Variants in RAB40C observed in about 807,000 individuals in gnomAD.
RAB40C encodes ras-related protein Rab-40C.
In RAB40C, 8 loss-of-function variants were observed where a neutral mutation model predicts 28.1. The observed-to-expected ratio is 0.28, with a 90% CI of 0.17 to 0.51. The LOEUF is 0.51. Ranked by LOEUF, RAB40C falls within the 20% of genes least tolerant of loss-of-function variation. RAB40C has a pLI of 0.97. For synonymous variants in RAB40C, 201 were observed against 171.7 expected (o/e 1.17, Z -1.34); for missense variants, 288 against 405.9 (o/e 0.71, Z 2.50).
At chr16:625,351 G>A in intron 3 of RAB40C, 81 bp from the exon 4 acceptor site, 1 of 1,560,986 alleles carries the variant, frequency 6.4e-7, no homozygotes, top group Non-Finnish European at 8.8e-7. Flanking sequence ...GGGAACTGAG[G>A]CCCCTGCACC....
chr16:621,169 C>A (rs2036708062), intron 3 of RAB40C, among the ~76,000 whole-genome samples: 1 of 152,202 alleles, frequency 6.6e-6, no homozygotes, highest in African/African-American at 2.4e-5. Context: ...GCTTCCTTGC[C>A]CCGGGAGAAG....
chr16:626,153 T>C, intron 5 of RAB40C, 32 bp downstream of exon 5: 2 of 1,579,826 alleles, frequency 1.3e-6, no homozygotes, highest in Non-Finnish European at 8.7e-7. Context: ...AGCCCTGAGG[T>C]CCCCGAACCT....
intron 1 of RAB40C, among the ~76,000 whole-genome samples, chr16:606,959 A>G (rs2036372411): frequency 1.3e-5 from 2 of 152,216 alleles, no homozygotes; most frequent in African/African-American, 4.8e-5. Context: ...TGTGCCCTGC[A>G]GGAACATGGC....
intron 1 of RAB40C, among the ~76,000 whole-genome samples, chr16:613,204 C>T (rs918295157): frequency 2.9e-5 from 4 of 138,916 alleles, no homozygotes; most frequent in Admixed American, 7.3e-5. Context: ...CCTGTAGAAT[C>T]AGCAGGGACA....
chr16:605,261 T>A (rs1433131074), intron 1 of RAB40C, among the ~76,000 whole-genome samples: 3 of 152,178 alleles, frequency 2.0e-5, no homozygotes, highest in Non-Finnish European at 4.4e-5. Context: ...GCCCCATTGT[T>A]TCATAGTCCC....
chr16:590,892 G>A (rs1243713896), intron 1 of RAB40C, among the ~76,000 whole-genome samples: 2 of 150,682 alleles, frequency 1.3e-5, no homozygotes, highest in African/African-American at 4.9e-5. Context: ...ATGGGTGCAG[G>A]ATCTGGGGTC....
chr16:590,751 G>A (rs549501572), intron 1 of RAB40C, among the ~76,000 whole-genome samples: 9 of 152,122 alleles, frequency 5.9e-5, no homozygotes, highest in Admixed American at 4.6e-4. Flanking sequence ...GGAGCCCAGG[G>A]GAAGGTGTCA....
At chr16:601,452 GT>G (rs1256283153) in intron 1 of RAB40C, among the ~76,000 whole-genome samples, 3 of 152,116 alleles carry the variant, frequency 2.0e-5, no homozygotes, top group African/African-American at 7.2e-5. Flanking sequence ...CAGAGTGTGA[GT>G]TTGCTCAGGT....
At chr16:596,922 C>T (rs889672757) in intron 1 of RAB40C, among the ~76,000 whole-genome samples, 6 of 152,144 alleles carry the variant, frequency 3.9e-5, no homozygotes, top group African/African-American at 1.2e-4. Flanking sequence ...AGGCAGTGCG[C>T]GGCTGTCTCG....
intron 1 of RAB40C, 98 bp from the exon 2 acceptor site, chr16:617,110 G>A (rs532196596): frequency 2.0e-4 from 253 of 1,266,750 alleles, no homozygotes; most frequent in Admixed American, 4.0e-4. Context: ...CCACTTCCGC[G>A]TGGGTCTTGG....
At chr16:622,865 T>G (rs1326666979) in intron 3 of RAB40C, among the ~76,000 whole-genome samples, 1 of 152,200 alleles carries the variant, frequency 6.6e-6, no homozygotes, top group African/African-American at 2.4e-5. Flanking sequence ...TGGAAGAGTC[T>G]GTTTGTCCCG....
intron 1 of RAB40C, among the ~76,000 whole-genome samples, chr16:601,815 T>TAAAAAAAAAAAAAA (rs60094426): frequency 2.6e-4 from 7 of 27,198 alleles, no homozygotes; most frequent in Non-Finnish European, 4.3e-4. Context: ...CAAAAAAAAG[T>TAAAAAAAAAAAAAA]AAAAAAAAAA....
At position 590,220 on chromosome 16, in the gene RAB40C, G is replaced by T. The variant is rs1176713534; in HGVS notation, c.-72G>T. On this transcript the variant is annotated 5_prime_UTR_variant, in exon 1 of 6. Coordinates refer to ENST00000248139, the MANE Select transcript of RAB40C (RefSeq NM_021168.5). ...CAACGGGCGCAGGTGCGGGGCGCGG[G>T]CTCTCTCACGCCGCGGCCTCACCCG... 3 of 1,165,412 alleles carry T rather than the reference G, an allele frequency of 2.6e-6. No individual in the cohort carries two copies. Among genetic ancestry groups the T allele is most frequent in the Non-Finnish European group, 3.2e-6 (3 of 931,590 alleles). The allele number at this position is 1,165,412 out of a possible 1,614,324, so 72.2% of individuals were successfully genotyped here.
chr16:591,616 G>A lies in RAB40C; in HGVS notation c.142+1183G>A, dbSNP rs534679533. Among the ~76,000 whole-genome samples the A allele has an allele frequency of 1.1e-4, 16 of 147,896 alleles. 1 individual carries two copies. Among genetic ancestry groups the A allele is most frequent in the East Asian group, 2.0e-4 (1 of 5,110 alleles). ...TCTTTCTTTTTTTTTTTTTTGAGAC[G>A]GAGTCTCACTCTGTCGCCAGGCTGG... On this transcript the variant is annotated intron_variant, in intron 1 of 5. Coordinates refer to ENST00000248139, the MANE Select transcript of RAB40C (RefSeq NM_021168.5).
chr16:626,794 C>T (rs1255992407), intron 5 of RAB40C, among the ~76,000 whole-genome samples: 6 of 152,150 alleles, frequency 3.9e-5, no homozygotes, highest in Admixed American at 1.3e-4. Flanking sequence ...AAAAATTAAC[C>T]GGGCGTGGTG....
intron 1 of RAB40C, among the ~76,000 whole-genome samples, chr16:615,033 T>C (rs1219445873): frequency 6.6e-6 from 1 of 152,238 alleles, no homozygotes; most frequent in Non-Finnish European, 1.5e-5. Context: ...TTCCTTCTTG[T>C]CTTGGAAACG....
At chr16:592,293 T>C (rs2036017368) in intron 1 of RAB40C, among the ~76,000 whole-genome samples, 1 of 152,186 alleles carries the variant, frequency 6.6e-6, no homozygotes, top group Non-Finnish European at 1.5e-5. Flanking sequence ...TCCCCCACTC[T>C]CTCAACTCGG....
chr16:597,286 C>T (rs2036147245), intron 1 of RAB40C, among the ~76,000 whole-genome samples: 1 of 151,984 alleles, frequency 6.6e-6, no homozygotes, highest in Admixed American at 6.6e-5. Context: ...GTCCCATATT[C>T]CCAGATGGCA....
chr16:607,225 G>A (rs924941487), intron 1 of RAB40C, among the ~76,000 whole-genome samples: 3 of 152,220 alleles, frequency 2.0e-5, no homozygotes, highest in Non-Finnish European at 2.9e-5. Flanking sequence ...GCCTGGGCAC[G>A]GTGGCTCAAC....
Sources: allele counts gnomAD v4.1 joint callset (sites outside exome capture counted in the v4.1 genomes callset), GRCh38; gene constraint gnomAD v4.1.1; transcripts MANE v1.5; gene names NCBI Gene and HGNC (gene_info 2026-07-23, HGNC 2026-07-21).